The following CDH4 variants were observed in gnomAD, a reference collection of about 807,000 sequenced individuals.
The protein encoded by CDH4 is cadherin 4, also known as cadherin-4.
CDH4 carries 33 observed loss-of-function variants against 86.0 expected under a neutral mutation model. The observed-to-expected ratio is 0.38, with a 90% CI of 0.29 to 0.51. The LOEUF (loss-of-function observed/expected upper bound fraction) is 0.51. Ranked by LOEUF, CDH4 falls within the 20% of genes least tolerant of loss-of-function variation. The pLI, the probability that CDH4 is intolerant of heterozygous loss-of-function variation, is 0.86. For synonymous variants in CDH4, 555 were observed against 549.4 expected (o/e 1.01, Z -0.14); for missense variants, 1,114 against 1,307.4 (o/e 0.85, Z 2.28).
chr20:61,466,293 C>T (rs2145564155), intron 2 of CDH4, among the ~76,000 whole-genome samples: 2 of 152,306 alleles, frequency 1.3e-5, no homozygotes, highest in Middle Eastern at 3.4e-3. Context: ...GTGAGCACAG[C>T]TGGTTTGTCT....
chr20:61,793,641 A>G (rs1262998353), intron 4 of CDH4, among the ~76,000 whole-genome samples: 2 of 151,618 alleles, frequency 1.3e-5, no homozygotes, highest in Non-Finnish European at 2.9e-5. Context: ...GGAGTTCAAG[A>G]CCAGCCTGGC....
At chr20:61,286,224 G>A (rs6028091) in intron 2 of CDH4, among the ~76,000 whole-genome samples, 3,869 of 152,320 alleles carry the variant, frequency 0.025, 158 homozygotes, top group African/African-American at 0.086. Context: ...TTTCTTCCCG[G>A]CTTGATTAGC....
At chr20:61,885,779 C>T (rs1430942474) in intron 7 of CDH4, among the ~76,000 whole-genome samples, 3 of 152,196 alleles carry the variant, frequency 2.0e-5, no homozygotes, top group South Asian at 2.1e-4. Flanking sequence ...TCTCAGGCTC[C>T]GGACAGACCC....
intron 11 of CDH4, 123 bp from the exon 12 acceptor site, chr20:61,928,067 G>A (rs894157201): frequency 1.3e-6 from 1 of 783,636 alleles, no homozygotes; most frequent in Non-Finnish European, 2.2e-6. Flanking sequence ...CCGGCTGGGG[G>A]TCTGCACATG....
At chr20:61,826,985 G>A (rs1347515887) in intron 4 of CDH4, among the ~76,000 whole-genome samples, 197 of 150,440 alleles carry the variant, frequency 1.3e-3, no homozygotes, top group Middle Eastern at 6.9e-3. Flanking sequence ...GTGTGTGTGT[G>A]TGTGTGTGTG....
intron 2 of CDH4, among the ~76,000 whole-genome samples, chr20:61,603,948 C>CAT (rs2086622886): frequency 6.6e-6 from 1 of 152,112 alleles, no homozygotes; most frequent in Admixed American, 6.5e-5. Flanking sequence ...TGCACATAGG[C>CAT]ACACACACAT....
chr20:61,387,470 A>C (rs954159865), intron 2 of CDH4, among the ~76,000 whole-genome samples: 1 of 152,072 alleles, frequency 6.6e-6, no homozygotes, highest in African/African-American at 2.4e-5. Context: ...AAATATATAC[A>C]TACATATACA....
At chr20:61,419,311 A>T (rs567142244) in intron 2 of CDH4, among the ~76,000 whole-genome samples, 1 of 152,282 alleles carries the variant, frequency 6.6e-6, no homozygotes, top group South Asian at 2.1e-4. Flanking sequence ...TACCCCGACA[A>T]ATACATCCCC....
chr20:61,886,901 G>C (rs1039748114), intron 7 of CDH4, among the ~76,000 whole-genome samples: 15 of 152,130 alleles, frequency 9.9e-5, no homozygotes, highest in African/African-American at 7.2e-5. Flanking sequence ...GGTTAACGTG[G>C]GGCTCCCCTT....
chr20:61,429,600 T>C (rs2085233497), intron 2 of CDH4, among the ~76,000 whole-genome samples: 1 of 147,162 alleles, frequency 6.8e-6, no homozygotes, highest in Non-Finnish European at 1.5e-5. Context: ...GGTGGATAGA[T>C]GGATGGATTG....
chr20:61,882,819 C>G (rs1330166474), intron 7 of CDH4, among the ~76,000 whole-genome samples: 2 of 152,004 alleles, frequency 1.3e-5, no homozygotes, highest in Non-Finnish European at 2.9e-5. Context: ...ATGGGCCGCC[C>G]CAGCCCCCCG....
At chr20:61,919,073 G>A (rs531623842) in intron 9 of CDH4, among the ~76,000 whole-genome samples, 2 of 152,308 alleles carry the variant, frequency 1.3e-5, no homozygotes, top group Admixed American at 6.5e-5. Context: ...ATCTCACTAT[G>A]TTGACCAGGC....
At chr20:61,609,474 T>C (rs942548522) in intron 2 of CDH4, among the ~76,000 whole-genome samples, 1 of 152,028 alleles carries the variant, frequency 6.6e-6, no homozygotes, top group Non-Finnish European at 1.5e-5. Flanking sequence ...GTTTATAGAG[T>C]ACTTTCGGCA....
intron 3 of CDH4, among the ~76,000 whole-genome samples, chr20:61,764,746 G>A (rs1449944283): frequency 1.3e-5 from 2 of 152,150 alleles, no homozygotes; most frequent in Non-Finnish European, 2.9e-5. Flanking sequence ...CCCAGCCTTC[G>A]GCTTCTAACA....
At chr20:61,725,785 C>T (rs1471274093) in intron 2 of CDH4, among the ~76,000 whole-genome samples, 2 of 143,912 alleles carry the variant, frequency 1.4e-5, no homozygotes, top group African/African-American at 2.5e-5. Context: ...AAGGGGAGGG[C>T]TGGGAGGGGA....
chr20:61,844,623 C>G, intron 4 of CDH4, 45 bp from the exon 5 acceptor site: 1 of 1,573,304 alleles, frequency 6.4e-7, no homozygotes, highest in East Asian at 2.3e-5. Context: ...CCGGGCCTCT[C>G]CTCACCACAG....
intron 2 of CDH4, among the ~76,000 whole-genome samples, chr20:61,526,774 G>A (rs114072773): frequency 4.6e-4 from 70 of 151,650 alleles, no homozygotes; most frequent in African/African-American, 1.1e-3. Context: ...TCATGTTTCC[G>A]AACTTCCTAA....
chr20:61,898,112 T>C lies in CDH4; in HGVS notation c.1188+3065T>C, dbSNP rs532141999. On this transcript the variant is annotated intron_variant, in intron 8 of 15. Transcript: ENST00000614565. ...GGCCCTTGGTGTGTCCTCCTAGAGA[T>C]GGGTGACAGGCAGGAGCCCCGGGAC... 3.3e-5 allele frequency among the ~76,000 whole-genome samples: 5 copies of C among 152,192 alleles called. No homozygotes were observed. In the South Asian group the frequency reaches 8.3e-4, roughly 25 times the overall value.
chr20:61,657,822 T>C (rs144827661), intron 2 of CDH4, among the ~76,000 whole-genome samples: 124 of 152,330 alleles, frequency 8.1e-4, no homozygotes, highest in Admixed American at 7.1e-3. Flanking sequence ...GTTAAATCCA[T>C]GTCAGTAAAA....
Sources: gnomAD v4.1 joint callset for allele counts (sites outside exome capture counted in the v4.1 genomes callset) on GRCh38, gnomAD v4.1.1 for gene constraint, MANE v1.5 for transcripts, NCBI Gene and HGNC (gene_info 2026-07-23, HGNC 2026-07-21) for gene names.